SNAI2: variants seen among roughly 807,000 people sequenced by gnomAD.
SNAI2 encodes the protein zinc finger protein SNAI2.
Under a neutral mutation model 22.4 loss-of-function variants are expected in SNAI2, and 2 were observed. The ratio of observed to expected loss-of-function variants is 0.09; its 90% CI spans 0.04 to 0.28. The LOEUF (loss-of-function observed/expected upper bound fraction) is 0.28, where lower values mean the gene tolerates loss of function less well. Ranked by LOEUF, SNAI2 falls within the 10% of genes least tolerant of loss-of-function variation. SNAI2 has a pLI of 1.00. For synonymous variants in SNAI2, 134 were observed against 123.0 expected, an observed-to-expected ratio of 1.09 and a Z score of -0.59; for missense variants, 239 against 320.8, an observed-to-expected ratio of 0.75 and a Z score of 1.95.
chr8:48,918,740 C>CT lies in SNAI2; in HGVS notation c.*66dup, dbSNP rs1806116020. 6.3e-7 allele frequency: 1 copy of CT among 1,580,920 alleles called. No homozygotes were observed. The highest frequency in any genetic ancestry group is 1.3e-5 in the African/African-American group (1 of 74,144). Reference sequence around the variant, plus strand: ...CAGCACAGGAGAAAATGCCTTTGGACTTTATTTGTCATTTGGCTTCGGAGT... The same window carrying CT: ...CAGCACAGGAGAAAATGCCTTTGGACTTTTATTTGTCATTTGGCTTCGGAGT... On this transcript the variant is annotated 3_prime_UTR_variant, in exon 3 of 3. Transcript: ENST00000020945.
At chr8:48,920,697 T>A (rs1407738293) in intron 1 of SNAI2, among the ~76,000 whole-genome samples, 1 of 152,182 alleles carries the variant, frequency 6.6e-6, no homozygotes, top group Non-Finnish European at 1.5e-5. Context: ...AGTCAGACAG[T>A]GCAGCCAAGC....
intron 2 of SNAI2, 38 bp from the exon 3 acceptor site, chr8:48,919,026 G>C: frequency 6.3e-7 from 1 of 1,591,258 alleles, no homozygotes. Flanking sequence ...AAGACAGTCA[G>C]TGTTTTTAGA....
chr8:48,921,342 G>C lies in SNAI2; in HGVS notation c.-77C>G. 1 of 1,146,576 alleles carries C rather than the reference G, an allele frequency of 8.7e-7. No individual in the cohort carries two copies. Among genetic ancestry groups the C allele is most frequent in the Non-Finnish European group, 1.3e-6 (1 of 765,744 alleles). 71.0% of individuals were successfully genotyped at this position (1,146,576 alleles called of 1,614,324 possible). On this transcript the variant is annotated 5_prime_UTR_variant, in exon 1 of 3. Transcript: ENST00000020945. ...GACACGGCGGTCCCTACAGCATCGC[G>C]GCGGGCCAGGCTCGGGCAGGGGCCG...
chr8:48,918,280 A>G lies in SNAI2; in HGVS notation c.*527T>C. The G allele has an allele frequency of 6.4e-6, 1 of 156,012 alleles. No individual in the cohort carries two copies. The highest frequency in any genetic ancestry group is 6.2e-5 in the Admixed American group (1 of 16,104). 9.7% of individuals were successfully genotyped at this position (156,012 alleles called of 1,614,324 possible). On this transcript the variant is annotated 3_prime_UTR_variant, in exon 3 of 3. Transcript: ENST00000020945. ...TTTTAAAAATATACTTTAAAGCACT[A>G]CAGGTAATCAAAAAAAGGCTTTAGT...
chr8:48,920,575 T>C (rs920358398), intron 1 of SNAI2, 134 bp from the exon 2 acceptor site: 1 of 795,176 alleles, frequency 1.3e-6, no homozygotes, highest in Non-Finnish European at 2.1e-6. Context: ...TAGACCCATT[T>C]AGGAGGGCAT....
intron 1 of SNAI2, among the ~76,000 whole-genome samples, chr8:48,920,816 C>G (rs1457592536): frequency 6.6e-6 from 1 of 152,116 alleles, no homozygotes; most frequent in Non-Finnish European, 1.5e-5. Flanking sequence ...GTATTACGAC[C>G]GTGAGTACAA....
At chr8:48,919,014 G>A in intron 2 of SNAI2, 26 bp from the exon 3 acceptor site, 1 of 1,604,238 alleles carries the variant, frequency 6.2e-7, no homozygotes, top group South Asian at 1.1e-5. Flanking sequence ...GAGAAAAAAA[G>A]AAAGACAGTC....
At position 48,918,738 on chromosome 8, in the gene SNAI2, G is replaced by C. The variant is rs1563479319; in HGVS notation, c.*69C>G. 6.4e-7 allele frequency: 1 copy of C among 1,563,786 alleles called. No homozygotes were observed. The highest frequency in any genetic ancestry group is 1.4e-5 in the African/African-American group (1 of 73,800). On this transcript the variant is annotated 3_prime_UTR_variant, in exon 3 of 3. Transcript: ENST00000020945. ...GTCAGCACAGGAGAAAATGCCTTTG[G>C]ACTTTATTTGTCATTTGGCTTCGGA... is the stretch of plus-strand genomic sequence containing the variant.
rs11544359 is a variant in SNAI2 at position 48,921,347 on chromosome 8, G to T, written c.-82C>A. On this transcript the variant is annotated 5_prime_UTR_variant, in exon 1 of 3. Transcript: ENST00000020945. The stretch of plus-strand genomic sequence containing the variant: ...GGCGGTCCCTACAGCATCGCGGCGG[G>T]CCAGGCTCGGGCAGGGGCCGTGCTC... 1,248 of 1,106,474 alleles carry T rather than the reference G, an allele frequency of 1.1e-3. 5 individuals are homozygous for T. The highest frequency in any genetic ancestry group is 9.4e-3 in the African/African-American group (613 of 65,540). 68.5% of individuals were successfully genotyped at this position (1,106,474 alleles called of 1,614,324 possible).
At position 48,920,190 on chromosome 8, in the gene SNAI2, C is replaced by G. The variant is rs1293589280; in HGVS notation, c.331G>C (p.Glu111Gln). 1.2e-6 allele frequency: 2 copies of G among 1,614,092 alleles called. No homozygotes were observed. Among genetic ancestry groups the G allele is most frequent in the Admixed American group, 3.3e-5 (2 of 60,008 alleles). The change falls in exon 2 of 3, where the codon GAA (glutamate) becomes CAA (glutamine). Residue 111 changes from glutamate (E) to glutamine (Q), a missense_variant. Glu to Gln is a conservative substitution (Grantham distance 29, BLOSUM62 2). This residue lies in a region of SNAI2 where 183 missense variants were observed against 190.4 expected (regional missense o/e 0.96). Transcript: ENST00000020945. ...GSESPISDEE[E>Q]RLQSKLSDPH... ...TCTGAAAGCTTGGACTGTAGTCTTTCCTCTTCATCACTAATGGGGCTTTCT... is the reference window on the plus strand; with the variant it reads ...TCTGAAAGCTTGGACTGTAGTCTTTGCTCTTCATCACTAATGGGGCTTTCT...
intron 2 of SNAI2, 87 bp downstream of exon 2, chr8:48,919,809 A>G (rs1363769921): frequency 2.2e-6 from 3 of 1,360,498 alleles, no homozygotes; most frequent in Admixed American, 1.7e-5. Context: ...TAAAAGCACT[A>G]TGTCACAACT....
Position 48,919,921 on chromosome 8 carries a change from A to C in SNAI2, c.600T>G (p.Leu200=), listed in dbSNP as rs759492560. 5 of 1,614,102 alleles carry C rather than the reference A, an allele frequency of 3.1e-6. No homozygotes were observed. Among genetic ancestry groups the C allele is most frequent in the Non-Finnish European group, 4.2e-6 (5 of 1,180,028 alleles). Residue 200 remains leucine (L), a synonymous_variant, in exon 2 of 3, where the codon CTT becomes CTG. Transcript: ENST00000020945. The part of the protein sequence containing the change: ...CGKAFSRPWL[L]QGHIRTHTGE... ...CCGTGTGAGTTCTAATGTGTCCTTG[A>C]AGCAACCAGGGTCTGGAAAACGCCT... is the stretch of plus-strand genomic sequence containing the variant.
chr8:48,919,227 A>C (rs1248118010), intron 2 of SNAI2, among the ~76,000 whole-genome samples: 1 of 152,190 alleles, frequency 6.6e-6, no homozygotes, highest in Non-Finnish European at 1.5e-5. Flanking sequence ...ATACAGAAAT[A>C]ATTTACGTAG....
rs762545404 is a variant in SNAI2, at chr8:48,920,063, G to A, written c.458C>T (p.Ala153Val). The part of the protein sequence containing the change: ...LAKHKQLHCD[A>V]QSRKSFSCKY... ...ACAGCTGAAAGATTTTCTAGACTGG[G>A]CATCGCAGTGCAGCTGCTTATGTTT... Residue 153 changes from alanine to valine, a missense_variant, in exon 2 of 3, where the codon GCC becomes GTC. By Grantham distance (64) the Ala-to-Val change is moderately conservative. Around this residue, in one of 3 missense-constraint regions of SNAI2, gnomAD observed 183 missense variants for 190.4 expected, o/e 0.96. Transcript: ENST00000020945. The A allele has an allele frequency of 6.2e-7, 1 of 1,614,208 alleles. No individual in the cohort carries two copies. The highest frequency in any genetic ancestry group is 8.5e-7 in the Non-Finnish European group (1 of 1,180,032).
In SNAI2 at chr8:48,920,359, G is replaced by A. The variant is rs764570013; in HGVS notation, c.162C>T (p.Ser54=). ...CAGCGGTAGTCCACACAGTGATGGG[G>A]CTGTATGCTCCTGAGCTGAGGATCT... The part of the protein sequence containing the change: ...QPEILSSGAY[S]PITVWTTAAP... Residue 54 remains serine, a synonymous_variant, in exon 2 of 3, where the codon AGC becomes AGT. Coordinates refer to ENST00000020945, the MANE Select transcript of SNAI2 (RefSeq NM_003068.5). 2 of 1,613,870 alleles carry A rather than the reference G, an allele frequency of 1.2e-6. No homozygotes were observed. Among genetic ancestry groups the A allele is most frequent in the Non-Finnish European group, 8.5e-7 (1 of 1,179,814 alleles).
rs1455011577 is a variant in SNAI2 at position 48,917,639 on chromosome 8, A to C, written c.*1168T>G. ...AGCTTACTTTATTATAATCTAACAC[A>C]TAAAATAACACTTCAGATGCATAAT... is the stretch of plus-strand genomic sequence containing the variant. On this transcript the variant is annotated 3_prime_UTR_variant, in exon 3 of 3. Transcript: ENST00000020945. The C allele has an allele frequency of 6.6e-6, 1 of 152,198 alleles. No individual in the cohort carries two copies. Among genetic ancestry groups the C allele is most frequent in the Non-Finnish European group, 1.5e-5 (1 of 68,010 alleles). 9.4% of individuals were successfully genotyped at this position (152,198 alleles called of 1,614,324 possible).
At position 48,917,627 on chromosome 8, in the gene SNAI2, A is replaced by G. The variant is rs910479687; in HGVS notation, c.*1180T>C. On this transcript the variant is annotated 3_prime_UTR_variant, in exon 3 of 3. Coordinates refer to ENST00000020945, the MANE Select transcript of SNAI2 (RefSeq NM_003068.5). ...AATAATACTAGCAGCTTACTTTATT[A>G]TAATCTAACACATAAAATAACACTT... 3 of 152,220 alleles carry G rather than the reference A, an allele frequency of 2.0e-5. No homozygotes were observed. Among genetic ancestry groups the G allele is most frequent in the African/African-American group, 7.2e-5 (3 of 41,474 alleles). 9.4% of individuals were successfully genotyped at this position (152,220 alleles called of 1,614,324 possible).
At chr8:48,919,875 T>A (rs772871395) in intron 2 of SNAI2, 21 bp downstream of exon 2, 1 of 1,611,690 alleles carries the variant, frequency 6.2e-7, no homozygotes, top group South Asian at 1.1e-5. Flanking sequence ...GTAACATTCC[T>A]GCCTATGGTT....
rs1806155034 is a variant in SNAI2 at position 48,921,084 on chromosome 8, T to C, written c.79+103A>G. On this transcript the variant is annotated intron_variant, in intron 1 of 2. Transcript: ENST00000020945. ...AGGACACTGTTAAAAAGGAAAACAG[T>C]TGAATCTTTGGCTCTTTTGTAATGG... 4.4e-6 allele frequency: 4 copies of C among 901,016 alleles called. No homozygotes were observed. The South Asian group carries it at 5.3e-5, about 12-fold the overall frequency. The allele number at this position is 901,016 out of a possible 1,614,324, so 55.8% of individuals were successfully genotyped here.
Sources: allele counts gnomAD v4.1 joint callset (sites outside exome capture counted in the v4.1 genomes callset), GRCh38; gene constraint gnomAD v4.1.1; regional missense constraint gnomAD v4.1.1; transcripts MANE v1.5; gene names NCBI Gene and HGNC (gene_info 2026-07-23, HGNC 2026-07-21).